The following KCNH8 variants were observed in gnomAD, a reference collection of about 807,000 sequenced individuals.
KCNH8 encodes potassium voltage-gated channel subfamily H member 8.
Under a neutral mutation model 103.6 loss-of-function variants are expected in KCNH8, and 70 were observed. The observed-to-expected ratio is 0.68, with a 90% confidence interval of 0.56 to 0.82. KCNH8 has a LOEUF of 0.82. KCNH8 is among the 40% of genes least tolerant of loss of function. The pLI, the probability that KCNH8 is intolerant of heterozygous loss-of-function variation, is 0.00. For synonymous variants in KCNH8, 498 were observed against 489.4 expected (o/e 1.02, Z -0.23); for missense variants, 1,217 against 1,329.9 (o/e 0.92, Z 1.32).
chr3:19,458,359 G>A (rs1355346087), intron 11 of KCNH8, among the ~76,000 whole-genome samples: 1 of 151,896 alleles, frequency 6.6e-6, no homozygotes, highest in African/African-American at 2.4e-5. Flanking sequence ...GGGGGTGGAA[G>A]TAATCAAAGA....
At chr3:19,246,830 A>T (rs144023871) in intron 1 of KCNH8, among the ~76,000 whole-genome samples, 1 of 152,216 alleles carries the variant, frequency 6.6e-6, no homozygotes, top group East Asian at 1.9e-4. Flanking sequence ...TAAGATTATG[A>T]ATTTCCACCT....
rs374309179 is a variant in KCNH8 at position 19,443,539 on chromosome 3, A to C, written c.1375+5178A>C. On this transcript the variant is annotated intron_variant, in intron 8 of 15. Coordinates refer to ENST00000328405, the MANE Select transcript of KCNH8 (RefSeq NM_144633.3). ...AGGCATCTGTAATTATGGAGTGTAC[A>C]AACCACTAATATATGGGAGGAATAT... Among the ~76,000 whole-genome samples, 3 of 151,706 alleles carry C rather than the reference A, an allele frequency of 2.0e-5. No homozygotes were observed. The South Asian group carries it at 6.2e-4, about 32-fold the overall frequency.
At chr3:19,506,927 G>A (rs1425833621) in intron 11 of KCNH8, among the ~76,000 whole-genome samples, 2 of 152,274 alleles carry the variant, frequency 1.3e-5, no homozygotes, top group East Asian at 3.9e-4. Context: ...TCCTAGAAGT[G>A]TGGTTAAAGC....
chr3:19,269,878 T>C (rs954094639), intron 2 of KCNH8, among the ~76,000 whole-genome samples: 3 of 152,262 alleles, frequency 2.0e-5, no homozygotes, highest in South Asian at 2.1e-4. Flanking sequence ...TGTCTAGCCT[T>C]TATTTAGGAA....
chr3:19,491,772 A>G (rs1277824919), intron 11 of KCNH8, among the ~76,000 whole-genome samples: 3 of 152,224 alleles, frequency 2.0e-5, no homozygotes, highest in African/African-American at 7.2e-5. Flanking sequence ...TGCTTTTTGC[A>G]GTGGCCGACC....
intron 7 of KCNH8, among the ~76,000 whole-genome samples, chr3:19,422,893 T>C (rs539325792): frequency 6.6e-6 from 1 of 151,998 alleles, no homozygotes; most frequent in South Asian, 2.1e-4. Context: ...TTTAAGTAAT[T>C]GAAATGAAAA....
chr3:19,456,892 G>T lies in KCNH8; in HGVS notation c.1950G>T (p.Val650=). ...TCATCCTCAAAGGACTCTTTGAAGT[G>T]CTAGACCTTTACCCAGAATATGCTC... is the stretch of plus-strand genomic sequence containing the variant. ...QCIILKGLFE[V]LDLYPEYAHK... Residue 650 remains valine, a synonymous_variant, in exon 11 of 16, where the codon GTG becomes GTT. Coordinates refer to ENST00000328405, the MANE Select transcript of KCNH8 (RefSeq NM_144633.3). 6.2e-7 allele frequency: 1 copy of T among 1,612,240 alleles called. No individual in the cohort carries two copies. The highest frequency in any genetic ancestry group is 8.5e-7 in the Non-Finnish European group (1 of 1,178,712).
At chr3:19,273,808 A>G (rs1452904224) in intron 2 of KCNH8, among the ~76,000 whole-genome samples, 4 of 152,176 alleles carry the variant, frequency 2.6e-5, no homozygotes, top group African/African-American at 9.6e-5. Context: ...TCCCAGTCTC[A>G]TTGGATACTC....
chr3:19,207,573 T>G (rs1320138751), intron 1 of KCNH8, among the ~76,000 whole-genome samples: 1 of 152,028 alleles, frequency 6.6e-6, no homozygotes, highest in Non-Finnish European at 1.5e-5. Flanking sequence ...TCTTCTTTGA[T>G]CACTTTATGA....
At chr3:19,288,744 C>T (rs1214777156) in intron 3 of KCNH8, among the ~76,000 whole-genome samples, 1 of 152,058 alleles carries the variant, frequency 6.6e-6, no homozygotes, top group African/African-American at 2.4e-5. Flanking sequence ...GGTTATATAC[C>T]CAGTAATGGG....
At chr3:19,271,976 A>G (rs111375646) in intron 2 of KCNH8, among the ~76,000 whole-genome samples, 4,132 of 152,248 alleles carry the variant, frequency 0.027, 184 homozygotes, top group African/African-American at 0.093. Flanking sequence ...GGCATAACTT[A>G]TCAAATCAAA....
At chr3:19,339,871 T>C (rs2065634475) in intron 3 of KCNH8, among the ~76,000 whole-genome samples, 1 of 152,018 alleles carries the variant, frequency 6.6e-6, no homozygotes. Context: ...ACAGGAATTA[T>C]AATACCTGTT....
chr3:19,265,447 C>T (rs2064497221), intron 2 of KCNH8, among the ~76,000 whole-genome samples: 1 of 152,046 alleles, frequency 6.6e-6, no homozygotes, highest in East Asian at 1.9e-4. Context: ...TGAGGGTGGC[C>T]TTGTACATCA....
At chr3:19,379,059 G>A (rs2066253177) in intron 5 of KCNH8, among the ~76,000 whole-genome samples, 1 of 151,850 alleles carries the variant, frequency 6.6e-6, no homozygotes, top group African/African-American at 2.4e-5. Context: ...CAGCTTTGGA[G>A]TGTGTATTTG....
At chr3:19,360,995 C>T (rs767383856) in intron 5 of KCNH8, among the ~76,000 whole-genome samples, 1 of 151,926 alleles carries the variant, frequency 6.6e-6, no homozygotes, top group Non-Finnish European at 1.5e-5. Context: ...ATAGCTAACT[C>T]AGGTAAGGAT....
intron 3 of KCNH8, among the ~76,000 whole-genome samples, chr3:19,331,682 C>G (rs543465071): frequency 6.6e-6 from 1 of 152,124 alleles, no homozygotes; most frequent in Non-Finnish European, 1.5e-5. Flanking sequence ...GCATAATAGT[C>G]ACATCAGGGT....
chr3:19,311,836 G>A (rs1483783389), intron 3 of KCNH8, among the ~76,000 whole-genome samples: 1 of 151,892 alleles, frequency 6.6e-6, no homozygotes, highest in African/African-American at 2.4e-5. Context: ...CATCCTTGGA[G>A]CCTTTCTGAG....
chr3:19,249,377 A>G (rs971048483), intron 1 of KCNH8, among the ~76,000 whole-genome samples: 71 of 152,342 alleles, frequency 4.7e-4, no homozygotes, highest in African/African-American at 1.7e-3. Flanking sequence ...CTGCCACTAA[A>G]TCCTCTTTAG....
At chr3:19,402,725 A>G (rs1473973763) in intron 7 of KCNH8, among the ~76,000 whole-genome samples, 1 of 151,900 alleles carries the variant, frequency 6.6e-6, no homozygotes, top group Non-Finnish European at 1.5e-5. Context: ...GGATGCAGGA[A>G]TAAGTGGGTG....
Sources: gnomAD v4.1 joint callset for allele counts (sites outside exome capture counted in the v4.1 genomes callset) on GRCh38, gnomAD v4.1.1 for gene constraint, MANE v1.5 for transcripts, NCBI Gene and HGNC (gene_info 2026-07-23, HGNC 2026-07-21) for gene names.